Variants in PTPRU observed in about 807,000 individuals in gnomAD.
PTPRU encodes the protein protein tyrosine phosphatase receptor type U.
In PTPRU, 69 loss-of-function variants were observed where a neutral mutation model predicts 166.3. The ratio of observed to expected loss-of-function variants is 0.41; its 90% CI spans 0.34 to 0.51. The LOEUF (loss-of-function observed/expected upper bound fraction) is 0.51. Among genes scored for constraint, PTPRU ranks in the 20% least tolerant of loss-of-function variants. The pLI, the probability that PTPRU is intolerant of heterozygous loss-of-function variation, is 0.09. For missense variants in PTPRU, 1,657 were observed against 2,013.7 expected (o/e 0.82, Z 3.39); for synonymous variants, 793 against 814.0 (o/e 0.97, Z 0.44).
chr1:29,261,558 T>G (rs985423617), intron 7 of PTPRU, among the ~76,000 whole-genome samples: 2 of 152,094 alleles, frequency 1.3e-5, no homozygotes, highest in African/African-American at 2.4e-5. Context: ...GAGACAGAGT[T>G]TTGCTCTGTC....
At chr1:29,325,449 T>C (rs933224123) in intron 29 of PTPRU, 123 bp downstream of exon 29, 23 of 1,511,414 alleles carry the variant, frequency 1.5e-5, no homozygotes, top group Non-Finnish European at 2.0e-5. Context: ...AGCCCTGTGG[T>C]CCTAAAACAT....
chr1:29,308,553 C>T (rs1249210584), intron 18 of PTPRU, among the ~76,000 whole-genome samples: 1 of 121,934 alleles, frequency 8.2e-6, no homozygotes, highest in Non-Finnish European at 1.6e-5. Flanking sequence ...ACCAACAGAG[C>T]CAGTCCCTGT....
intron 15 of PTPRU, among the ~76,000 whole-genome samples, chr1:29,302,523 C>T (rs1054794673): frequency 1.3e-5 from 2 of 152,074 alleles, no homozygotes; most frequent in Non-Finnish European, 2.9e-5. Flanking sequence ...TGGTAAATGC[C>T]TTATACAGGT....
In PTPRU at chr1:29,282,662, T is replaced by C. The variant is rs200993722; in HGVS notation, c.1869-14T>C. On this transcript the variant is annotated splice_polypyrimidine_tract_variant and intron_variant, in intron 11 of 29. Transcript: ENST00000373779. ...GCCGCCTGTGATCCCCTGTACGCTC[T>C]CCTCCCTGTCCAGTGTGTACCAGGT... 1.5e-4 allele frequency: 248 copies of C among 1,609,506 alleles called. 1 individual carries two copies. Among genetic ancestry groups the C allele is most frequent in the Non-Finnish European group, 2.3e-5 (27 of 1,178,638 alleles).
chr1:29,320,595 TG>T lies in PTPRU; in HGVS notation c.3688-87del. ...TGGGGCACAACCGTCCAACTCAGGG[TG>T]GGCAGTGCGGGAAGACAGCCTGGGG... On this transcript the variant is annotated intron_variant, in intron 25 of 29. Coordinates refer to ENST00000373779, the MANE Select transcript of PTPRU (RefSeq NM_133178.4). The surrounding 1 kb of genome is among the most constrained non-coding windows in gnomAD (Gnocchi z 5.2). The T allele has an allele frequency of 7.2e-7, 1 of 1,382,728 alleles. No individual in the cohort carries two copies. The highest frequency in any genetic ancestry group is 9.6e-7 in the Non-Finnish European group (1 of 1,039,772). The allele number at this position is 1,382,728 out of a possible 1,614,324, so 85.7% of individuals were successfully genotyped here.
At chr1:29,240,660 C>G (rs1250219452) in intron 1 of PTPRU, among the ~76,000 whole-genome samples, 2 of 152,174 alleles carry the variant, frequency 1.3e-5, no homozygotes, top group Non-Finnish European at 2.9e-5. Flanking sequence ...CTGCCAGCCC[C>G]TCCCCCAGGC....
chr1:29,279,940 A>G lies in PTPRU; in HGVS notation c.1766-99A>G. ...GCAGGAACAAAGAGGCTAAGGCTGA[A>G]GTAGGGGAGATCTGAGGACTGTGGT... On this transcript the variant is annotated intron_variant, in intron 10 of 29. Coordinates refer to ENST00000373779, the MANE Select transcript of PTPRU (RefSeq NM_133178.4). The surrounding 1 kb of genome is among the most constrained non-coding windows in gnomAD (Gnocchi z 5.2). 1 of 1,266,646 alleles carries G rather than the reference A, an allele frequency of 7.9e-7. No homozygotes were observed. Among genetic ancestry groups the G allele is most frequent in the Non-Finnish European group, 1.1e-6 (1 of 893,812 alleles). The allele number at this position is 1,266,646 out of a possible 1,614,324, so 78.5% of individuals were successfully genotyped here. A position where few individuals can be genotyped will look rare whatever the true frequency, so the allele number is the denominator to read the frequency against.
chr1:29,319,251 C>T (rs1688039818), intron 25 of PTPRU, among the ~76,000 whole-genome samples: 1 of 152,206 alleles, frequency 6.6e-6, no homozygotes, highest in South Asian at 2.1e-4. Flanking sequence ...GAAGCTGTGC[C>T]CTCCCGCCCA....
rs1686264405 is a variant in PTPRU, at chr1:29,284,762, G to C, written c.2211G>C (p.Glu737Asp). 3.7e-6 allele frequency: 6 copies of C among 1,614,122 alleles called. No homozygotes were observed. The East Asian group carries it at 1.3e-4, about 36-fold the overall frequency. ...GCAAGGAAAGCAAGCGGCCCCTGGAGGTGTCCCAGAGATCGGAGGAGATGG... is the reference window on the plus strand; with the variant it reads ...GCAAGGAAAGCAAGCGGCCCCTGGACGTGTCCCAGAGATCGGAGGAGATGG... ...AACKESKRPL[E>D]VSQRSEEMGL... Residue 737 changes from glutamate to aspartate, a missense_variant, in exon 14 of 30, where the codon GAG becomes GAC. Glu to Asp is a conservative substitution (Grantham distance 45). This residue lies in a region of PTPRU where 1,190 missense variants were observed against 1,477.4 expected (regional missense o/e 0.81). Coordinates refer to ENST00000373779, the MANE Select transcript of PTPRU (RefSeq NM_133178.4).
At chr1:29,277,514 G>A (rs1300935509) in intron 8 of PTPRU, among the ~76,000 whole-genome samples, 1 of 152,062 alleles carries the variant, frequency 6.6e-6, no homozygotes, top group African/African-American at 2.4e-5. Flanking sequence ...TTACTTTATG[G>A]CCCAACATAT....
chr1:29,298,230 T>C (rs1211137370), intron 15 of PTPRU, among the ~76,000 whole-genome samples: 1 of 145,022 alleles, frequency 6.9e-6, no homozygotes, highest in Non-Finnish European at 1.5e-5. Flanking sequence ...TGCACTGCAC[T>C]CCAGCCTGGC....
intron 7 of PTPRU, among the ~76,000 whole-genome samples, chr1:29,266,620 CCT>C (rs1358640565): frequency 6.6e-6 from 1 of 152,108 alleles, no homozygotes; most frequent in South Asian, 2.1e-4. Context: ...CTTCAGTCCC[CCT>C]GTTTTACAAC....
intron 1 of PTPRU, among the ~76,000 whole-genome samples, chr1:29,254,133 C>T (rs1023636471): frequency 9.2e-5 from 14 of 152,162 alleles, no homozygotes; most frequent in Admixed American, 7.2e-4. Context: ...CTGGCAGGTA[C>T]CCAGGACAGG....
intron 14 of PTPRU, among the ~76,000 whole-genome samples, chr1:29,290,420 C>T (rs910519159): frequency 9.9e-5 from 15 of 152,210 alleles, no homozygotes; most frequent in African/African-American, 3.6e-4. Context: ...AACTGGGATA[C>T]AACCCAGGCC....
chr1:29,300,981 A>G (rs1367729495), intron 15 of PTPRU, among the ~76,000 whole-genome samples: 1 of 152,120 alleles, frequency 6.6e-6, no homozygotes, highest in Non-Finnish European at 1.5e-5. Context: ...GATGAGTATG[A>G]GTTCATCAGG....
At position 29,316,136 on chromosome 1, in the gene PTPRU, G is replaced by A; in HGVS notation, c.3498G>A (p.Leu1166=). Residue 1166 remains leucine (L), a synonymous_variant, in exon 24 of 30, where the codon CTG becomes CTA. Coordinates refer to ENST00000373779, the MANE Select transcript of PTPRU (RefSeq NM_133178.4). ...RIDPQSNSSQ[L]REEFQTLNSV... ...ATCCTCAGAGTAATTCCTCCCAGCT[G>A]CGGGAAGAGTTCCAGGTGGGGGATG... 1 of 1,614,142 alleles carries A rather than the reference G, an allele frequency of 6.2e-7. No individual in the cohort carries two copies. The highest frequency in any genetic ancestry group is 1.1e-5 in the South Asian group (1 of 91,078).
At chr1:29,304,179 T>A (rs1478790231) in intron 16 of PTPRU, 134 bp downstream of exon 16, 10 of 1,058,124 alleles carry the variant, frequency 9.5e-6, no homozygotes, top group Non-Finnish European at 1.3e-5. Flanking sequence ...CAACTCAACC[T>A]TTTTGACCTC....
rs149887093 is a variant in PTPRU at position 29,273,828 on chromosome 1, C to T, written c.1145-1620C>T. ...CTCTCTCCTGAGGCATCAGTGAATTCCTATTGGGGAGGTGGGGAGTGGTGG... is the reference window on the plus strand; with the variant it reads ...CTCTCTCCTGAGGCATCAGTGAATTTCTATTGGGGAGGTGGGGAGTGGTGG... On this transcript the variant is annotated intron_variant, in intron 7 of 29. Coordinates refer to ENST00000373779, the MANE Select transcript of PTPRU (RefSeq NM_133178.4). Among the ~76,000 whole-genome samples the T allele has an allele frequency of 3.8e-3, 583 of 152,218 alleles. 8 individuals carry two copies. The highest frequency in any genetic ancestry group is 0.012 in the African/African-American group (519 of 41,532).
intron 7 of PTPRU, among the ~76,000 whole-genome samples, chr1:29,263,385 T>A (rs1312302549): frequency 6.6e-6 from 1 of 152,236 alleles, no homozygotes; most frequent in Non-Finnish European, 1.5e-5. Flanking sequence ...ATTATACAAA[T>A]ATATCACATT....
Sources: allele counts gnomAD v4.1 joint callset (sites outside exome capture counted in the v4.1 genomes callset), GRCh38; gene constraint gnomAD v4.1.1; regional missense constraint gnomAD v4.1.1; non-coding constraint Gnocchi (gnomAD v3.1); transcripts MANE v1.5; gene names NCBI Gene and HGNC (gene_info 2026-07-23, HGNC 2026-07-21).